ZNF746: variants seen among roughly 807,000 people sequenced by gnomAD.
ZNF746 encodes the protein zinc finger protein 746.
In ZNF746, 13 loss-of-function variants were observed where a neutral mutation model predicts 41.0. The ratio of observed to expected loss-of-function variants is 0.32; its 90% confidence interval spans 0.21 to 0.50. ZNF746 has a LOEUF of 0.50. ZNF746 is among the 20% of genes least tolerant of loss of function. The probability of loss-of-function intolerance (pLI) is 0.98; values close to 1 mark genes in which losing one functional copy is unlikely to be tolerated. For synonymous variants in ZNF746, 424 were observed against 396.2 expected, an observed-to-expected ratio of 1.07 and a Z score of -0.83; for missense variants, 811 against 922.9, an observed-to-expected ratio of 0.88 and a Z score of 1.57.
chr7:149,485,426 T>A (rs1035798905), intron 4 of ZNF746, among the ~76,000 whole-genome samples: 1 of 152,142 alleles, frequency 6.6e-6, no homozygotes, highest in East Asian at 1.9e-4. Context: ...AGAACCAAAG[T>A]GCAGTGAAAA....
At chr7:149,482,199 T>C (rs1390358506) in intron 4 of ZNF746, among the ~76,000 whole-genome samples, 1 of 152,230 alleles carries the variant, frequency 6.6e-6, no homozygotes, top group Non-Finnish European at 1.5e-5. Context: ...GGCTACTGTT[T>C]GGATATTTAA....
At chr7:149,486,549 A>G (rs1290953687) in intron 4 of ZNF746, among the ~76,000 whole-genome samples, 1 of 152,250 alleles carries the variant, frequency 6.6e-6, no homozygotes, top group African/African-American at 2.4e-5. Context: ...CTACAGCTAT[A>G]CTACATTAAC....
chr7:149,476,329 AAAAAAAAAAAAAAAG>A (rs1800301686), intron 6 of ZNF746, among the ~76,000 whole-genome samples: 1 of 151,600 alleles, frequency 6.6e-6, no homozygotes, highest in South Asian at 2.1e-4. Context: ...AAAAAAAAAA[AAAAAAAAAAAAAAAG>A]AATGTGTTTG....
rs1292428898 is a variant in ZNF746, at chr7:149,497,272, T to TGGGGCGGCCC, written c.24+231_24+240dup. ...CCCGGAGGGCCCAAAGAACTTGGCG[T>TGGGGCGGCCC]GGGGCGGCCCGGGGCGGGGACAACC... On this transcript the variant is annotated intron_variant, in intron 1 of 6. Transcript: ENST00000458143. This position sits in a 1 kb window ranked among gnomAD's most constrained non-coding sequence, Gnocchi z 4.2. The TGGGGCGGCCC allele has an allele frequency of 2.0e-6, 2 of 984,798 alleles. No homozygotes were observed. Among genetic ancestry groups the TGGGGCGGCCC allele is most frequent in the Non-Finnish European group, 2.4e-6 (2 of 829,750 alleles). 61.0% of individuals were successfully genotyped at this position (984,798 alleles called of 1,614,324 possible). A position where few individuals can be genotyped will look rare whatever the true frequency, so the allele number is the denominator to read the frequency against.
At position 149,473,884 on chromosome 7, in the gene ZNF746, G is replaced by A. The variant is rs975805912; in HGVS notation, c.*500C>T. 5.8e-6 allele frequency: 1 copy of A among 171,774 alleles called. No individual in the cohort carries two copies. The highest frequency in any genetic ancestry group is 1.3e-5 in the Non-Finnish European group (1 of 78,556). 10.6% of individuals were successfully genotyped at this position (171,774 alleles called of 1,614,324 possible). A position where few individuals can be genotyped will look rare whatever the true frequency, so the allele number is the denominator to read the frequency against. On this transcript the variant is annotated 3_prime_UTR_variant, in exon 7 of 7. Coordinates refer to ENST00000458143, the MANE Select transcript of ZNF746 (RefSeq NM_001394198.1). Reference sequence around the variant, plus strand: ...TCCAAGGGACCCAATGGCCCTCACTGCCCAGGGGCTTGGTGCGCTAGGCCC... The same window carrying A: ...TCCAAGGGACCCAATGGCCCTCACTACCCAGGGGCTTGGTGCGCTAGGCCC...
intron 1 of ZNF746, chr7:149,496,941 C>G: frequency 1.0e-6 from 1 of 985,384 alleles, no homozygotes; most frequent in Non-Finnish European, 1.2e-6. Context: ...CCGGGTTTTT[C>G]TTTTGTATGA....
intron 4 of ZNF746, among the ~76,000 whole-genome samples, 170 bp downstream of exon 4, chr7:149,492,689 G>A (rs1314621731): frequency 1.3e-5 from 2 of 151,962 alleles, no homozygotes; most frequent in Non-Finnish European, 2.9e-5. Context: ...TGGAGCATTA[G>A]CTGACTAAGT....
Position 149,474,370 on chromosome 7 carries a change from G to A in ZNF746, c.*14C>T, listed in dbSNP as rs1168234205. On this transcript the variant is annotated 3_prime_UTR_variant, in exon 7 of 7. Coordinates refer to ENST00000458143, the MANE Select transcript of ZNF746 (RefSeq NM_001394198.1). This position sits in a 1 kb window ranked among gnomAD's most constrained non-coding sequence, Gnocchi z 6.3. The stretch of plus-strand genomic sequence containing the variant: ...TACACGTGCGGCCGGCAGGGGCTAT[G>A]GGGCTGGAGGCGCTCACATGTCCCC... The A allele has an allele frequency of 6.3e-7, 1 of 1,595,852 alleles. No homozygotes were observed. Among genetic ancestry groups the A allele is most frequent in the Non-Finnish European group, 8.5e-7 (1 of 1,171,754 alleles).
At chr7:149,479,284 G>T (rs1405558756) in intron 4 of ZNF746, among the ~76,000 whole-genome samples, 1 of 152,138 alleles carries the variant, frequency 6.6e-6, no homozygotes, top group African/African-American at 2.4e-5. Flanking sequence ...GTACCCAAGA[G>T]AAAATAATGA....
Position 149,474,521 on chromosome 7 carries a change from G to A in ZNF746, c.1846C>T (p.Pro616Ser). ...GGAGGTGCGGGCGGCGTCGGGAGTGGCTGGCCTCGGGCCGGGGTCTTGGCG... is the reference window on the plus strand; with the variant it reads ...GGAGGTGCGGGCGGCGTCGGGAGTGACTGGCCTCGGGCCGGGGTCTTGGCG... ...AGAKTPARGQ[P>S]LPTPPAPPDP... is the part of the protein sequence containing the mutation. The change falls in exon 7 of 7, where the codon CCA (proline) becomes TCA (serine). Residue 616 changes from proline (P) to serine (S), a missense_variant. Pro to Ser is a moderately conservative substitution (Grantham distance 74). Coordinates refer to ENST00000458143, the MANE Select transcript of ZNF746 (RefSeq NM_001394198.1). This position sits in a 1 kb window ranked among gnomAD's most constrained non-coding sequence, Gnocchi z 6.3. The A allele has an allele frequency of 6.2e-7, 1 of 1,607,936 alleles. No individual in the cohort carries two copies. Among genetic ancestry groups the A allele is most frequent in the Non-Finnish European group, 8.5e-7 (1 of 1,177,386 alleles).
chr7:149,483,965 G>A (rs949643080), intron 4 of ZNF746, among the ~76,000 whole-genome samples: 3 of 152,082 alleles, frequency 2.0e-5, no homozygotes, highest in African/African-American at 7.2e-5. Flanking sequence ...GAAAACTCTG[G>A]GGAAATGGAC....
chr7:149,484,493 C>T (rs911289552), intron 4 of ZNF746, among the ~76,000 whole-genome samples: 1 of 152,082 alleles, frequency 6.6e-6, no homozygotes, highest in Non-Finnish European at 1.5e-5. Context: ...TTAGAAACAC[C>T]TAGCCAAACA....
intron 4 of ZNF746, 39 bp downstream of exon 4, chr7:149,492,820 C>A (rs2888587): frequency 6.9e-7 from 1 of 1,443,110 alleles, no homozygotes; most frequent in Non-Finnish European, 9.7e-7. Context: ...GTTTCCTGCA[C>A]AATACCTGAT....
intron 4 of ZNF746, among the ~76,000 whole-genome samples, chr7:149,484,711 A>G (rs1226096500): frequency 1.3e-5 from 2 of 152,184 alleles, no homozygotes; most frequent in African/African-American, 4.8e-5. Context: ...AAATATTTAA[A>G]AAGAAAAAAA....
At chr7:149,477,515 C>G in intron 5 of ZNF746, 49 bp downstream of exon 5, 1 of 1,551,662 alleles carries the variant, frequency 6.4e-7, no homozygotes, top group South Asian at 1.2e-5. Context: ...CCCTGTCCCT[C>G]CTGTGATCCC....
chr7:149,493,265 C>G (rs746898191), intron 3 of ZNF746, among the ~76,000 whole-genome samples: 1 of 152,208 alleles, frequency 6.6e-6, no homozygotes. Flanking sequence ...ACAGAATCAC[C>G]TGGTCCCAAA....
chr7:149,487,695 T>C (rs1337476373), intron 4 of ZNF746: 1 of 152,086 alleles, frequency 6.6e-6, no homozygotes, highest in Non-Finnish European at 1.5e-5. Flanking sequence ...ATACATCTAA[T>C]AAACTGTAAA....
At chr7:149,486,051 T>TA (rs915938512) in intron 4 of ZNF746, among the ~76,000 whole-genome samples, 1 of 151,588 alleles carries the variant, frequency 6.6e-6, no homozygotes, top group Non-Finnish European at 1.5e-5. Flanking sequence ...AAAAACAACT[T>TA]AAAAAAATGC....
At position 149,474,427 on chromosome 7, in the gene ZNF746, C is replaced by G; in HGVS notation, c.1940G>C (p.Cys647Ser). The G allele has an allele frequency of 1.2e-6, 2 of 1,610,994 alleles. No homozygotes were observed. Among genetic ancestry groups the G allele is most frequent in the Admixed American group, 1.7e-5 (1 of 59,658 alleles). Residue 647 changes from cysteine to serine, a missense_variant, in exon 7 of 7, where the codon TGT (cysteine) becomes TCT (serine). Cys to Ser is a moderately radical substitution (Grantham distance 112). Coordinates refer to ENST00000458143, the MANE Select transcript of ZNF746 (RefSeq NM_001394198.1). This position sits in a 1 kb window ranked among gnomAD's most constrained non-coding sequence, Gnocchi z 6.3. ...ASTDLVTDWT[C>S]GLSVLGPTDG... Reference sequence around the variant, plus strand: ...GGTGGGTCCCAGGACGCTGAGGCCACAAGTCCAGTCGGTCACAAGGTCTGT... The same window carrying G: ...GGTGGGTCCCAGGACGCTGAGGCCAGAAGTCCAGTCGGTCACAAGGTCTGT...
Sources: allele counts gnomAD v4.1 joint callset (sites outside exome capture counted in the v4.1 genomes callset), GRCh38; gene constraint gnomAD v4.1.1; non-coding constraint Gnocchi (gnomAD v3.1); transcripts MANE v1.5; gene names NCBI Gene and HGNC (gene_info 2026-07-23, HGNC 2026-07-21).